Variants in NDST3 observed in about 807,000 individuals in gnomAD.
The protein encoded by NDST3 is bifunctional heparan sulfate N-deacetylase/N-sulfotransferase 3.
A neutral mutation model predicts 96.1 loss-of-function variants in NDST3; 58 were observed. That is an observed-to-expected ratio of 0.60 (90% CI 0.49 to 0.75). NDST3 has a LOEUF of 0.75. Ranked by LOEUF, NDST3 falls within the 30% of genes least tolerant of loss-of-function variation. The probability of loss-of-function intolerance (pLI) is 0.00; values close to 1 mark genes in which losing one functional copy is unlikely to be tolerated. For missense variants in NDST3, 788 were observed against 1,034.2 expected, an observed-to-expected ratio of 0.76 and a Z score of 3.27; for synonymous variants, 333 against 359.7, an observed-to-expected ratio of 0.93 and a Z score of 0.84.
At chr4:118,073,524 T>C (rs1428197396) in intron 2 of NDST3, among the ~76,000 whole-genome samples, 1 of 152,182 alleles carries the variant, frequency 6.6e-6, no homozygotes, top group Non-Finnish European at 1.5e-5. Context: ...GTGTTCATAA[T>C]AGCCTCTGAG....
Position 118,207,204 on chromosome 4 carries a change from G to A in NDST3, c.1540-17287G>A, listed in dbSNP as rs568988550. On this transcript the variant is annotated intron_variant, in intron 6 of 13. Transcript: ENST00000296499. ...ACACACACACACAAATTATATCTGT[G>A]GCTTCTTGTTGAATCCAAAATAAAT... Among the ~76,000 whole-genome samples, 95 of 139,808 alleles carry A rather than the reference G, an allele frequency of 6.8e-4. 18 individuals are homozygous for A. The South Asian group carries it at 0.023, about 33-fold the overall frequency. The allele number at this position is 139,808 out of a possible 152,430, so 91.7% of individuals were successfully genotyped here. A position where few individuals can be genotyped will look rare whatever the true frequency, so the allele number is the denominator to read the frequency against.
intron 2 of NDST3, among the ~76,000 whole-genome samples, chr4:118,099,982 C>T (rs976443531): frequency 6.6e-6 from 1 of 151,910 alleles, no homozygotes; most frequent in Non-Finnish European, 1.5e-5. Context: ...AATCTGGATG[C>T]CAGTGGGTAA....
At chr4:118,092,616 T>A (rs1447759382) in intron 2 of NDST3, among the ~76,000 whole-genome samples, 1 of 151,776 alleles carries the variant, frequency 6.6e-6, no homozygotes, top group East Asian at 1.9e-4. Context: ...GCCCCAGAAA[T>A]GTACCTCAGC....
chr4:118,121,399 G>C (rs1476831930), intron 4 of NDST3, among the ~76,000 whole-genome samples: 1 of 152,042 alleles, frequency 6.6e-6, no homozygotes, highest in Non-Finnish European at 1.5e-5. Flanking sequence ...TATATTTTAA[G>C]TATCTTGAAC....
At position 118,240,572 on chromosome 4, in the gene NDST3, G is replaced by C. The variant is rs759159756; in HGVS notation, c.2167G>C (p.Glu723Gln). 9 of 1,613,612 alleles carry C rather than the reference G, an allele frequency of 5.6e-6. No individual in the cohort carries two copies. The highest frequency in any genetic ancestry group is 1.7e-4 in the Middle Eastern group (1 of 6,006). ...TGCAGCTCTGAAGTTTAGCTTCTACGAAGTGATCTCAGCAGGGCCCCGTGC... is the reference window on the plus strand; with the variant it reads ...TGCAGCTCTGAAGTTTAGCTTCTACCAAGTGATCTCAGCAGGGCCCCGTGC... ...DPAALKFSFY[E>Q]VISAGPRAPS... is the part of the protein sequence containing the mutation. The change falls in exon 11 of 14, where the codon GAA becomes CAA. Residue 723 changes from glutamate to glutamine, a missense_variant. By Grantham distance (29) the Glu-to-Gln change is conservative. Around this residue, in one of 3 missense-constraint regions of NDST3, gnomAD observed 490 missense variants for 708.8 expected, o/e 0.69. Transcript: ENST00000296499.
rs527537528 is a variant in NDST3 at position 118,151,602 on chromosome 4, A to C, written c.1539+7918A>C. On this transcript the variant is annotated intron_variant, in intron 6 of 13. Coordinates refer to ENST00000296499, the MANE Select transcript of NDST3 (RefSeq NM_004784.3). ...ATGTTAGGATCAGGCAAATAGAGAA[A>C]TATTGCCGAGGAAGAAAATGGAGAA... 3.9e-5 allele frequency among the ~76,000 whole-genome samples: 6 copies of C among 152,194 alleles called. No individual in the cohort carries two copies. In the East Asian group the frequency reaches 7.7e-4, roughly 20 times the overall value.
rs1488853442 is a variant in NDST3 at position 118,105,118 on chromosome 4, G to C, written c.1069+13G>C. On this transcript the variant is annotated intron_variant, in intron 3 of 13. Coordinates refer to ENST00000296499, the MANE Select transcript of NDST3 (RefSeq NM_004784.3). ...TTTTACCATACAGGTAAGAAAAAGG[G>C]ATTAACTGTTCTCATTAAGGCTTCT... is the stretch of plus-strand genomic sequence containing the variant. 6.3e-7 allele frequency: 1 copy of C among 1,589,272 alleles called. No individual in the cohort carries two copies. The highest frequency in any genetic ancestry group is 8.6e-7 in the Non-Finnish European group (1 of 1,157,954).
intron 1 of NDST3, among the ~76,000 whole-genome samples, chr4:118,046,200 T>A (rs1238933420): frequency 6.6e-6 from 1 of 152,226 alleles, no homozygotes; most frequent in African/African-American, 2.4e-5. Flanking sequence ...ATGATGGGAC[T>A]GTGGGACTGC....
intron 6 of NDST3, among the ~76,000 whole-genome samples, chr4:118,146,406 A>G (rs1733948088): frequency 6.6e-6 from 1 of 152,216 alleles, no homozygotes; most frequent in African/African-American, 2.4e-5. Flanking sequence ...ACAAAAATAT[A>G]AACAGGACTT....
intron 6 of NDST3, among the ~76,000 whole-genome samples, chr4:118,172,403 C>T (rs1242209226): frequency 1.3e-5 from 2 of 152,050 alleles, no homozygotes; most frequent in Non-Finnish European, 2.9e-5. Context: ...ATAGAAACAA[C>T]CTGAATGTCC....
At chr4:118,057,611 T>A (rs11098421) in intron 2 of NDST3, among the ~76,000 whole-genome samples, 114,359 of 151,946 alleles carry the variant, frequency 0.75, 45,693 homozygotes, top group South Asian at 0.92. Flanking sequence ...TCAGAAAAAG[T>A]GTGATCAGCA....
At chr4:118,065,577 A>T (rs2110476684) in intron 2 of NDST3, among the ~76,000 whole-genome samples, 1 of 152,210 alleles carries the variant, frequency 6.6e-6, no homozygotes, top group East Asian at 1.9e-4. Context: ...CTGTTTTGAA[A>T]GCCAGTTGAT....
intron 12 of NDST3, among the ~76,000 whole-genome samples, chr4:118,245,346 G>T (rs529574217): frequency 6.6e-6 from 1 of 152,172 alleles, no homozygotes; most frequent in East Asian, 1.9e-4. Context: ...TATGTTATAT[G>T]AATTTTTAGT....
Position 118,226,894 on chromosome 4 carries a change from C to G in NDST3, c.1731C>G (p.Cys577Trp). The change falls in exon 8 of 14, where the codon TGC (cysteine) becomes TGG (tryptophan). Residue 577 changes from cysteine (C) to tryptophan (W), a missense_variant. Physicochemically the swap from Cys to Trp is radical, Grantham distance 215 (BLOSUM62 -2). Around this residue, in one of 3 missense-constraint regions of NDST3, gnomAD observed 490 missense variants for 708.8 expected, o/e 0.69. Transcript: ENST00000296499. ...GTTCTTCTCCCATTTAGAATCCTTG[C>G]GATGACAAACGCCACAGAGACATTT... ...DQKDPLWQNP[C>W]DDKRHRDIWS... is the part of the protein sequence containing the mutation. 6.2e-7 allele frequency: 1 copy of G among 1,609,302 alleles called. No homozygotes were observed. Among genetic ancestry groups the G allele is most frequent in the Non-Finnish European group, 8.5e-7 (1 of 1,178,084 alleles).
At chr4:118,146,574 TAA>T (rs1733963162) in intron 6 of NDST3, among the ~76,000 whole-genome samples, 1 of 152,166 alleles carries the variant, frequency 6.6e-6, no homozygotes, top group African/African-American at 2.4e-5. Flanking sequence ...TTAAACAGAA[TAA>T]CTCTCTGGCC....
At chr4:118,046,945 C>T (rs1357526370) in intron 1 of NDST3, among the ~76,000 whole-genome samples, 10 of 152,152 alleles carry the variant, frequency 6.6e-5, no homozygotes, top group South Asian at 2.1e-4. Flanking sequence ...GAAATGCAGA[C>T]GCACTGTCAG....
At chr4:118,193,853 T>G in intron 6 of NDST3, 1 of 1,234,906 alleles carries the variant, frequency 8.1e-7, no homozygotes, top group Non-Finnish European at 1.2e-6. Context: ...CTTCTGTGTT[T>G]CCTCATTGGA....
At chr4:118,096,057 C>T (rs1297998602) in intron 2 of NDST3, among the ~76,000 whole-genome samples, 5 of 151,848 alleles carry the variant, frequency 3.3e-5, no homozygotes, top group African/African-American at 1.2e-4. Context: ...TTTGTCTGAA[C>T]ACTGTGTTTT....
At chr4:118,173,761 T>G (rs936050688) in intron 6 of NDST3, among the ~76,000 whole-genome samples, 1 of 152,062 alleles carries the variant, frequency 6.6e-6, no homozygotes, top group Non-Finnish European at 1.5e-5. Flanking sequence ...ATATAAAAAT[T>G]TTTTGAACAA....
Sources: allele counts gnomAD v4.1 joint callset (sites outside exome capture counted in the v4.1 genomes callset), GRCh38; gene constraint gnomAD v4.1.1; regional missense constraint gnomAD v4.1.1; transcripts MANE v1.5; gene names NCBI Gene and HGNC (gene_info 2026-07-23, HGNC 2026-07-21).